Variants in RGS7 observed in about 807,000 individuals in gnomAD.
RGS7 encodes the protein regulator of G-protein signaling 7.
In RGS7, 27 loss-of-function variants were observed where a neutral mutation model predicts 81.1. That is an observed-to-expected ratio of 0.33 (90% CI 0.25 to 0.46). The LOEUF is 0.46. Among genes scored for constraint, RGS7 ranks in the 20% least tolerant of loss-of-function variants. RGS7 has a pLI of 1.00. For synonymous variants in RGS7, 208 were observed against 207.7 expected (o/e 1.00, Z -0.01); for missense variants, 396 against 607.4 (o/e 0.65, Z 3.66).
intron 2 of RGS7, among the ~76,000 whole-genome samples, chr1:241,265,427 A>C (rs1010410315): frequency 8.7e-6 from 1 of 114,596 alleles, no homozygotes; most frequent in African/African-American, 3.3e-5. Context: ...CAACAGAGAG[A>C]CCAAGAAGAT....
chr1:241,161,365 A>G (rs1325213880), intron 2 of RGS7, among the ~76,000 whole-genome samples: 2 of 151,960 alleles, frequency 1.3e-5, no homozygotes, highest in Admixed American at 6.6e-5. Flanking sequence ...AGAGATAATT[A>G]AAACTGTTTG....
intron 2 of RGS7, among the ~76,000 whole-genome samples, chr1:241,292,055 T>A (rs754470127): frequency 6.6e-5 from 10 of 152,156 alleles, no homozygotes; most frequent in Admixed American, 1.3e-4. Flanking sequence ...GTCCAGATCA[T>A]CCATATCACT....
intron 18 of RGS7, among the ~76,000 whole-genome samples, chr1:240,787,960 G>A (rs936868281): frequency 2.6e-5 from 4 of 152,202 alleles, no homozygotes; most frequent in African/African-American, 9.7e-5. Context: ...AATATATGCT[G>A]GCTGGGCCAT....
At chr1:241,192,586 G>T (rs1299892426) in intron 2 of RGS7, among the ~76,000 whole-genome samples, 1 of 151,998 alleles carries the variant, frequency 6.6e-6, no homozygotes, top group African/African-American at 2.4e-5. Flanking sequence ...TGAATTTCTG[G>T]TACATAAAAT....
At chr1:240,910,558 A>G (rs1009249777) in intron 6 of RGS7, among the ~76,000 whole-genome samples, 3 of 152,196 alleles carry the variant, frequency 2.0e-5, no homozygotes, top group Non-Finnish European at 2.9e-5. Context: ...ACAATAATGC[A>G]TGGTTTCAAA....
intron 2 of RGS7, among the ~76,000 whole-genome samples, chr1:241,204,655 C>T (rs1420648070): frequency 6.6e-6 from 1 of 151,406 alleles, no homozygotes; most frequent in African/African-American, 2.4e-5. Context: ...GAGAAGAAAC[C>T]ATTGTCTCAA....
At chr1:241,093,090 TG>T (rs1189297064) in intron 3 of RGS7, among the ~76,000 whole-genome samples, 1 of 152,186 alleles carries the variant, frequency 6.6e-6, no homozygotes, top group African/African-American at 2.4e-5. Context: ...TTTATTTTAT[TG>T]TTTTTTTCAT....
Position 240,802,942 on chromosome 1 carries a change from A to G in RGS7, c.1321T>C (p.Ser441Pro). 1 of 1,612,836 alleles carries G rather than the reference A, an allele frequency of 6.2e-7. No homozygotes were observed. Among genetic ancestry groups the G allele is most frequent in the Non-Finnish European group, 8.5e-7 (1 of 1,178,992 alleles). Residue 441 changes from serine to proline, a missense_variant, in exon 16 of 19, where the codon TCC becomes CCC. Physicochemically the swap from Ser to Pro is moderately conservative, Grantham distance 74 (BLOSUM62 -1). Transcript: ENST00000440928. ...KSDSYPRFIR[S>P]SAYQELLQAK... ...TGTAGAAGCTCCTGATAGGCACTGGATCTTATAAAACGTGGGTATGAATCA... is the reference window on the plus strand; with the variant it reads ...TGTAGAAGCTCCTGATAGGCACTGGGTCTTATAAAACGTGGGTATGAATCA...
intron 2 of RGS7, among the ~76,000 whole-genome samples, chr1:241,128,985 T>G (rs2103029853): frequency 6.6e-6 from 1 of 152,228 alleles, no homozygotes; most frequent in East Asian, 1.9e-4. Flanking sequence ...TTCTTCAAAA[T>G]GTTAACGGAA....
chr1:241,059,576 T>C (rs1040951404), intron 3 of RGS7, among the ~76,000 whole-genome samples: 1 of 152,240 alleles, frequency 6.6e-6, no homozygotes, highest in East Asian at 1.9e-4. Flanking sequence ...AATTTTTCGT[T>C]TGTGGATGAG....
chr1:241,160,433 A>G (rs2069553210), intron 2 of RGS7, among the ~76,000 whole-genome samples: 1 of 129,544 alleles, frequency 7.7e-6, no homozygotes, highest in Non-Finnish European at 1.7e-5. Context: ...AATAAGGTGA[A>G]ACATGTAGCA....
intron 2 of RGS7, among the ~76,000 whole-genome samples, chr1:241,121,294 A>G (rs898490150): frequency 6.6e-6 from 1 of 152,212 alleles, no homozygotes; most frequent in Non-Finnish European, 1.5e-5. Flanking sequence ...AGTGCTTCCA[A>G]AAGAGCATAG....
At chr1:240,826,170 G>A (rs893368291) in intron 10 of RGS7, among the ~76,000 whole-genome samples, 2 of 152,112 alleles carry the variant, frequency 1.3e-5, no homozygotes, top group African/African-American at 2.4e-5. Flanking sequence ...GAGTTCCTAC[G>A]GGCAGAAGCA....
At chr1:241,174,278 C>A (rs1244607502) in intron 2 of RGS7, among the ~76,000 whole-genome samples, 5 of 152,214 alleles carry the variant, frequency 3.3e-5, no homozygotes, top group Non-Finnish European at 7.3e-5. Context: ...TACTGAAGCA[C>A]CCCACCACCT....
intron 2 of RGS7, among the ~76,000 whole-genome samples, chr1:241,108,322 A>G (rs2065270828): frequency 6.7e-6 from 1 of 149,140 alleles, no homozygotes; most frequent in Non-Finnish European, 1.5e-5. Context: ...AAAAAAAAAA[A>G]GCGCCAAAGA....
At chr1:240,880,733 G>A (rs1198626121) in intron 6 of RGS7, among the ~76,000 whole-genome samples, 1 of 152,170 alleles carries the variant, frequency 6.6e-6, no homozygotes, top group Non-Finnish European at 1.5e-5. Context: ...GGGTTGGTCA[G>A]AATTCCATCC....
chr1:241,155,132 T>G (rs2069023461), intron 2 of RGS7, among the ~76,000 whole-genome samples: 1 of 152,226 alleles, frequency 6.6e-6, no homozygotes, highest in Non-Finnish European at 1.5e-5. Flanking sequence ...TTATTTGTTA[T>G]TTTTTCAGTC....
intron 3 of RGS7, among the ~76,000 whole-genome samples, chr1:240,996,339 T>A (rs533174527): frequency 6.6e-5 from 10 of 152,300 alleles, no homozygotes; most frequent in Admixed American, 6.5e-4. Context: ...GTCATCTACA[T>A]CCTTACTGAT....
At chr1:241,294,538 T>A (rs776283134) in intron 2 of RGS7, among the ~76,000 whole-genome samples, 112 of 152,320 alleles carry the variant, frequency 7.4e-4, no homozygotes, top group Non-Finnish European at 1.3e-3. Flanking sequence ...TAAAAATAAA[T>A]TTAGTATCGC....
Sources: gnomAD v4.1 joint callset for allele counts (sites outside exome capture counted in the v4.1 genomes callset) on GRCh38, gnomAD v4.1.1 for gene constraint, MANE v1.5 for transcripts, NCBI Gene and HGNC (gene_info 2026-07-23, HGNC 2026-07-21) for gene names.